Variants in CTNNBL1 observed in about 807,000 individuals in gnomAD.
The protein encoded by CTNNBL1 is beta-catenin-like protein 1.
In CTNNBL1, 31 loss-of-function variants were observed where a neutral mutation model predicts 72.7. The ratio of observed to expected loss-of-function variants is 0.43; its 90% CI spans 0.32 to 0.58. CTNNBL1 has a LOEUF of 0.58. Ranked by LOEUF, CTNNBL1 falls within the 20% of genes least tolerant of loss-of-function variation. The pLI is 0.08. For missense variants in CTNNBL1, 534 were observed against 725.1 expected (o/e 0.74, Z 3.03); for synonymous variants, 240 against 267.3 (o/e 0.90, Z 1.00).
At position 37,816,822 on chromosome 20, in the gene CTNNBL1, G is replaced by A. The variant is rs762203227; in HGVS notation, c.1213+13774G>A. On this transcript the variant is annotated intron_variant, in intron 11 of 15. Transcript: ENST00000361383. The stretch of plus-strand genomic sequence containing the variant: ...AAAAAAGCCTACAACTTTCTTAAAT[G>A]TATTGATTACTAATAAATCATGTCT... Among the ~76,000 whole-genome samples, 16 of 150,864 alleles carry A rather than the reference G, an allele frequency of 1.1e-4. No individual in the cohort carries two copies. In the East Asian group the frequency reaches 3.1e-3, roughly 29 times the overall value.
intron 2 of CTNNBL1, among the ~76,000 whole-genome samples, chr20:37,735,725 C>T (rs2073165806): frequency 6.6e-6 from 1 of 152,152 alleles, no homozygotes; most frequent in Non-Finnish European, 1.5e-5. Context: ...GGGTAGCTCC[C>T]ACTTAAAACC....
At position 37,779,206 on chromosome 20, in the gene CTNNBL1, C is replaced by T; in HGVS notation, c.902C>T (p.Pro301Leu). The change falls in exon 10 of 16, where the codon CCC becomes CTC. Residue 301 changes from proline (P) to leucine (L), a missense_variant. Pro to Leu is a moderately conservative substitution (Grantham distance 98, BLOSUM62 -3). Coordinates refer to ENST00000361383, the MANE Select transcript of CTNNBL1 (RefSeq NM_030877.5). The stretch of plus-strand genomic sequence containing the variant: ...TGACAGGTGTTTAAAAGACACAATC[C>T]CAGCACGGCTGAGGAGCAGGAGATG... ...QQLSVFKRHN[P>L]STAEEQEMME... The T allele has an allele frequency of 6.2e-7, 1 of 1,613,434 alleles. No individual in the cohort carries two copies. Among genetic ancestry groups the T allele is most frequent in the Non-Finnish European group, 8.5e-7 (1 of 1,179,664 alleles).
chr20:37,741,699 A>T (rs898073165), intron 3 of CTNNBL1, among the ~76,000 whole-genome samples: 2 of 152,222 alleles, frequency 1.3e-5, no homozygotes, highest in South Asian at 4.1e-4. Flanking sequence ...TTCACTGTTC[A>T]TGGCCACACC....
At chr20:37,746,341 G>A in intron 3 of CTNNBL1, 127 bp from the exon 4 acceptor site, 1 of 886,832 alleles carries the variant, frequency 1.1e-6, no homozygotes, top group Non-Finnish European at 1.8e-6. Context: ...GTTTGGATGA[G>A]TGTACTTCTT....
intron 11 of CTNNBL1, among the ~76,000 whole-genome samples, chr20:37,835,063 A>G (rs1179940692): frequency 6.6e-6 from 1 of 152,272 alleles, no homozygotes; most frequent in African/African-American, 2.4e-5. Context: ...TAAAGAGTTC[A>G]TAGAAGTCAA....
Position 37,732,995 on chromosome 20 carries a change from G to A in CTNNBL1, c.147G>A (p.Val49=), listed in dbSNP as rs1298471565. 1 of 1,614,030 alleles carries A rather than the reference G, an allele frequency of 6.2e-7. No individual in the cohort carries two copies. Among genetic ancestry groups the A allele is most frequent in the Non-Finnish European group, 8.5e-7 (1 of 1,180,004 alleles). ...GRYREEEMTV[V]EEADDDKKRL... The stretch of plus-strand genomic sequence containing the variant: ...ATCGGGAAGAAGAAATGACTGTGGT[G>A]GAGGAAGCGGATGATGACAAAAAAA... Residue 49 remains valine, a synonymous_variant, in exon 2 of 16, where the codon GTG becomes GTA. Coordinates refer to ENST00000361383, the MANE Select transcript of CTNNBL1 (RefSeq NM_030877.5).
chr20:37,789,279 CG>C (rs758861961), intron 10 of CTNNBL1, among the ~76,000 whole-genome samples: 2 of 152,136 alleles, frequency 1.3e-5, no homozygotes, highest in Non-Finnish European at 2.9e-5. Context: ...CTTTGTGCAT[CG>C]GGCAGCTCAG....
intron 1 of CTNNBL1, among the ~76,000 whole-genome samples, chr20:37,711,362 T>C (rs2072936402): frequency 6.6e-6 from 1 of 151,822 alleles, no homozygotes; most frequent in African/African-American, 2.4e-5. Context: ...TTTGGGGCGG[T>C]TAGCAAATTT....
At chr20:37,772,373 C>T (rs565066916) in intron 7 of CTNNBL1, among the ~76,000 whole-genome samples, 6 of 152,222 alleles carry the variant, frequency 3.9e-5, no homozygotes, top group South Asian at 4.2e-4. Flanking sequence ...GTTTTTGAGA[C>T]GGAGTCTCAC....
intron 11 of CTNNBL1, among the ~76,000 whole-genome samples, chr20:37,820,784 C>T (rs2072100368): frequency 6.6e-6 from 1 of 152,164 alleles, no homozygotes; most frequent in South Asian, 2.1e-4. Context: ...ATCAGTTAAA[C>T]CTCCTTTCTT....
At chr20:37,719,841 T>C (rs920894439) in intron 1 of CTNNBL1, among the ~76,000 whole-genome samples, 2 of 151,272 alleles carry the variant, frequency 1.3e-5, no homozygotes, top group African/African-American at 4.9e-5. Context: ...TTTTCTTTTC[T>C]TTTCTTTTTT....
intron 7 of CTNNBL1, among the ~76,000 whole-genome samples, chr20:37,769,965 G>A (rs553586419): frequency 2.6e-5 from 4 of 152,242 alleles, no homozygotes; most frequent in South Asian, 2.1e-4. Context: ...TTATTCAGCC[G>A]TTTGTTCCCA....
chr20:37,834,091 C>T (rs1009109588), intron 11 of CTNNBL1, among the ~76,000 whole-genome samples: 2 of 152,104 alleles, frequency 1.3e-5, no homozygotes, highest in African/African-American at 2.4e-5. Flanking sequence ...CATGGTATAC[C>T]TTGCTCCAGA....
At chr20:37,857,159 G>C (rs931154787) in intron 13 of CTNNBL1, among the ~76,000 whole-genome samples, 2 of 152,206 alleles carry the variant, frequency 1.3e-5, no homozygotes, top group Non-Finnish European at 2.9e-5. Flanking sequence ...TCTCGAGCAG[G>C]AAGTCATGAT....
At chr20:37,824,813 T>C (rs1410439677) in intron 11 of CTNNBL1, among the ~76,000 whole-genome samples, 3 of 152,170 alleles carry the variant, frequency 2.0e-5, no homozygotes, top group African/African-American at 7.2e-5. Context: ...TGCCTCATGG[T>C]CCCAGATGGC....
intron 8 of CTNNBL1, 23 bp from the exon 9 acceptor site, chr20:37,777,631 T>A: frequency 6.2e-7 from 1 of 1,611,662 alleles, no homozygotes; most frequent in Non-Finnish European, 8.5e-7. Context: ...TTTTTTTTCT[T>A]CCTCTATTTT....
intron 10 of CTNNBL1, among the ~76,000 whole-genome samples, chr20:37,793,192 G>A (rs894003754): frequency 2.6e-5 from 4 of 152,116 alleles, no homozygotes; most frequent in African/African-American, 9.7e-5. Context: ...CAGATTTCCT[G>A]TCTTATTCTA....
intron 1 of CTNNBL1, among the ~76,000 whole-genome samples, chr20:37,708,449 G>A (rs1274919588): frequency 6.6e-6 from 1 of 152,196 alleles, no homozygotes; most frequent in East Asian, 1.9e-4. Context: ...TGGGATTACA[G>A]GTGTGAGCCA....
At chr20:37,860,716 C>T (rs2072484352) in intron 15 of CTNNBL1, among the ~76,000 whole-genome samples, 1 of 152,214 alleles carries the variant, frequency 6.6e-6, no homozygotes, top group Admixed American at 6.5e-5. Flanking sequence ...AACGTCCTTT[C>T]TTATCCACAG....
Sources: allele counts gnomAD v4.1 joint callset (sites outside exome capture counted in the v4.1 genomes callset), GRCh38; gene constraint gnomAD v4.1.1; transcripts MANE v1.5; gene names NCBI Gene and HGNC (gene_info 2026-07-23, HGNC 2026-07-21).